Variants in LRP1B observed in about 807,000 individuals in gnomAD.
The protein encoded by LRP1B is LDL receptor related protein 1B.
A neutral mutation model predicts 556.6 loss-of-function variants in LRP1B; 217 were observed. The ratio of observed to expected loss-of-function variants is 0.39; its 90% CI spans 0.35 to 0.44. The LOEUF (loss-of-function observed/expected upper bound fraction) is 0.44. LRP1B is among the 20% of genes least tolerant of loss of function. The probability of loss-of-function intolerance (pLI) is 1.00; values close to 1 mark genes in which losing one functional copy is unlikely to be tolerated. For missense variants in LRP1B, 5,053 were observed against 5,620.8 expected, an observed-to-expected ratio of 0.90 and a Z score of 3.23; for synonymous variants, 2,047 against 1,865.8, an observed-to-expected ratio of 1.10 and a Z score of -2.50.
At chr2:141,755,825 G>C (rs903528746) in intron 2 of LRP1B, among the ~76,000 whole-genome samples, 2 of 151,918 alleles carry the variant, frequency 1.3e-5, no homozygotes, top group African/African-American at 4.8e-5. Context: ...CAGAGTGCAA[G>C]CTGAAGTGTA....
intron 27 of LRP1B, among the ~76,000 whole-genome samples, chr2:140,853,906 G>C (rs1692534231): frequency 6.6e-6 from 1 of 151,970 alleles, no homozygotes; most frequent in African/African-American, 2.4e-5. Context: ...TCGCAAGTTA[G>C]AGAAGCAAGA....
intron 1 of LRP1B, among the ~76,000 whole-genome samples, chr2:141,984,383 G>A (rs561798496): frequency 5.6e-5 from 2 of 35,666 alleles, no homozygotes; most frequent in Admixed American, 7.5e-4. Flanking sequence ...AAAGGTATGT[G>A]TTTAAGAGTT....
intron 2 of LRP1B, among the ~76,000 whole-genome samples, chr2:141,728,831 T>G (rs1469913519): frequency 6.6e-6 from 1 of 152,206 alleles, no homozygotes; most frequent in Non-Finnish European, 1.5e-5. Context: ...TGATTGACTC[T>G]ATCCGCTCTC....
intron 5 of LRP1B, among the ~76,000 whole-genome samples, chr2:141,231,610 C>T (rs1181109323): frequency 6.7e-6 from 1 of 148,708 alleles, no homozygotes; most frequent in African/African-American, 2.5e-5. Context: ...TTCCCCCCAC[C>T]CCCACCCCTG....
At chr2:140,440,760 T>C (rs570797632) in intron 66 of LRP1B, among the ~76,000 whole-genome samples, 3 of 152,216 alleles carry the variant, frequency 2.0e-5, no homozygotes, top group African/African-American at 7.2e-5. Flanking sequence ...TGTGTGTGTG[T>C]ACACACACTG....
chr2:140,552,087 AC>A (rs1680566326), intron 43 of LRP1B, among the ~76,000 whole-genome samples: 1 of 152,146 alleles, frequency 6.6e-6, no homozygotes, highest in South Asian at 2.1e-4. Flanking sequence ...TGACTTGGTG[AC>A]AGGGACTAGA....
At chr2:141,402,069 A>G (rs929646009) in intron 3 of LRP1B, among the ~76,000 whole-genome samples, 5 of 152,156 alleles carry the variant, frequency 3.3e-5, no homozygotes, top group Non-Finnish European at 7.4e-5. Flanking sequence ...TTGTTATGAG[A>G]TATTTTACCC....
intron 3 of LRP1B, among the ~76,000 whole-genome samples, chr2:141,359,267 G>GAAAAAAAAAAAAAAACAAAAAAAATAA (rs60786833): frequency 8.1e-6 from 1 of 123,502 alleles, no homozygotes; most frequent in Non-Finnish European, 1.7e-5. Flanking sequence ...CAAAATAAAT[G>GAAAAAAAAAAAAAAACAAAAAAAATAA]AAAAAAAAAA....
chr2:141,177,258 C>T (rs1680778520), intron 7 of LRP1B, among the ~76,000 whole-genome samples: 3 of 152,082 alleles, frequency 2.0e-5, no homozygotes, highest in Admixed American at 1.3e-4. Flanking sequence ...GGAATATGTG[C>T]ATTGGGCTCT....
chr2:141,185,387 C>T (rs1211340996), intron 7 of LRP1B, among the ~76,000 whole-genome samples: 1 of 151,988 alleles, frequency 6.6e-6, no homozygotes, highest in Non-Finnish European at 1.5e-5. Context: ...GATCTCTATG[C>T]TACCTGCCAA....
chr2:140,299,343 A>G (rs558097867), intron 83 of LRP1B, among the ~76,000 whole-genome samples: 1 of 152,246 alleles, frequency 6.6e-6, no homozygotes, highest in African/African-American at 2.4e-5. Context: ...ACATGCTCAA[A>G]AATGCTAGAG....
chr2:141,969,912 C>A (rs1327577928), intron 1 of LRP1B, among the ~76,000 whole-genome samples: 1 of 151,372 alleles, frequency 6.6e-6, no homozygotes, highest in Non-Finnish European at 1.5e-5. Context: ...AATACAAGGG[C>A]TCTTTTTTTT....
At chr2:141,125,188 T>G (rs984765539) in intron 7 of LRP1B, among the ~76,000 whole-genome samples, 2 of 152,206 alleles carry the variant, frequency 1.3e-5, no homozygotes, top group African/African-American at 4.8e-5. Flanking sequence ...ATAAAGGGAA[T>G]CATTTTGAAG....
intron 1 of LRP1B, among the ~76,000 whole-genome samples, chr2:141,909,305 T>A (rs1445628217): frequency 6.6e-6 from 1 of 151,976 alleles, no homozygotes; most frequent in Admixed American, 6.6e-5. Flanking sequence ...TATAAGACAA[T>A]CAATTATGGG....
chr2:141,079,096 C>A (rs1574052381), intron 7 of LRP1B, among the ~76,000 whole-genome samples: 1 of 152,142 alleles, frequency 6.6e-6, no homozygotes, highest in African/African-American at 2.4e-5. Flanking sequence ...TACTTATAAA[C>A]CCACACTTTC....
intron 84 of LRP1B, among the ~76,000 whole-genome samples, chr2:140,284,638 C>A (rs1683052901): frequency 1.3e-5 from 2 of 151,278 alleles, no homozygotes; most frequent in Non-Finnish European, 3.0e-5. Flanking sequence ...TCCTTCCATC[C>A]TTATTTTCTT....
At chr2:140,652,929 A>G (rs1684741686) in intron 41 of LRP1B, among the ~76,000 whole-genome samples, 1 of 152,106 alleles carries the variant, frequency 6.6e-6, no homozygotes, top group African/African-American at 2.4e-5. Context: ...TATTCTTAAA[A>G]TTACTTTAAA....
intron 30 of LRP1B, 41 bp from the exon 31 acceptor site, chr2:140,840,126 G>T: frequency 8.8e-7 from 1 of 1,137,028 alleles, no homozygotes; most frequent in Non-Finnish European, 1.3e-6. Flanking sequence ...ATTAGATGTA[G>T]ACCTACTCAC....
intron 47 of LRP1B, among the ~76,000 whole-genome samples, chr2:140,533,557 A>C (rs1690814883): frequency 6.6e-6 from 1 of 152,168 alleles, no homozygotes; most frequent in Non-Finnish European, 1.5e-5. Context: ...CCAGGCTTAA[A>C]GTGGATTGAA....
Sources: allele counts gnomAD v4.1 joint callset (sites outside exome capture counted in the v4.1 genomes callset), GRCh38; gene constraint gnomAD v4.1.1; transcripts MANE v1.5; gene names NCBI Gene and HGNC (gene_info 2026-07-23, HGNC 2026-07-21).